The following UBE2K variants were observed in gnomAD, a reference collection of about 807,000 sequenced individuals.
UBE2K encodes the protein ubiquitin-conjugating enzyme E2 K.
In UBE2K, 6 loss-of-function variants were observed where a neutral mutation model predicts 30.0. The ratio of observed to expected loss-of-function variants is 0.20; its 90% CI spans 0.11 to 0.39. The LOEUF (loss-of-function observed/expected upper bound fraction) is 0.39. Among genes scored for constraint, UBE2K ranks in the 10% least tolerant of loss-of-function variants. The pLI, the probability that UBE2K is intolerant of heterozygous loss-of-function variation, is 1.00. For missense variants in UBE2K, 61 were observed against 241.6 expected (o/e 0.25, Z 4.96); for synonymous variants, 86 against 83.7 (o/e 1.03, Z -0.15).
intron 1 of UBE2K, among the ~76,000 whole-genome samples, chr4:39,703,644 C>T (rs765654739): frequency 4.0e-5 from 6 of 151,684 alleles, no homozygotes; most frequent in African/African-American, 9.7e-5. Flanking sequence ...GTCAGGAGAT[C>T]GAGACCATCC....
At chr4:39,770,556 T>G (rs1464858554) in intron 4 of UBE2K, 8 of 1,592,536 alleles carry the variant, frequency 5.0e-6, no homozygotes, top group Non-Finnish European at 5.1e-6. Flanking sequence ...CGCTGCTGCT[T>G]CCACCAGGCC....
rs74701834 is a variant in UBE2K, at chr4:39,737,616, T to C, written c.157+103T>C. On this transcript the variant is annotated intron_variant, in intron 2 of 6. Transcript: ENST00000261427. ...ATCTATAAATTATATGGAGGGTAACTTCATTTGGTTTAGATAAACAGCAAT... is the reference window on the plus strand; with the variant it reads ...ATCTATAAATTATATGGAGGGTAACCTCATTTGGTTTAGATAAACAGCAAT... 3.3e-3 allele frequency: 2,377 copies of C among 722,964 alleles called. 41 individuals carry two copies. In the African/African-American group the frequency reaches 0.04, roughly 12 times the overall value. The allele number at this position is 722,964 out of a possible 1,614,324, so 44.8% of individuals were successfully genotyped here.
chr4:39,766,185 G>GT (rs1315848554), intron 4 of UBE2K, among the ~76,000 whole-genome samples: 4 of 141,898 alleles, frequency 2.8e-5, no homozygotes, highest in Admixed American at 6.7e-5. Context: ...GTGTGTTTTT[G>GT]TTTTTTGTTT....
At chr4:39,774,539 G>A (rs1410360939) in intron 4 of UBE2K, among the ~76,000 whole-genome samples, 1 of 151,884 alleles carries the variant, frequency 6.6e-6, no homozygotes, top group Non-Finnish European at 1.5e-5. Flanking sequence ...CGTGAACCCG[G>A]GAGGCGGAGC....
intron 2 of UBE2K, among the ~76,000 whole-genome samples, chr4:39,738,678 T>G (rs545788262): frequency 6.6e-6 from 1 of 152,178 alleles, no homozygotes; most frequent in East Asian, 1.9e-4. Context: ...TGTTGTTCAT[T>G]TTTTGATTGT....
At chr4:39,748,574 GT>G (rs1290490460) in intron 3 of UBE2K, among the ~76,000 whole-genome samples, 16 of 150,292 alleles carry the variant, frequency 1.1e-4, no homozygotes, top group African/African-American at 3.7e-4. Flanking sequence ...GAGCTCGGGA[GT>G]TTGAGTTCAG....
intron 2 of UBE2K, among the ~76,000 whole-genome samples, chr4:39,740,862 C>CAA (rs57382171): frequency 2.4e-3 from 166 of 69,718 alleles, no homozygotes; most frequent in African/African-American, 5.9e-3. Context: ...GACTCCGTCT[C>CAA]AAAAAAAAAA....
rs372834149 is a variant in UBE2K, at chr4:39,728,827, G to GTTTT, written c.64-8583_64-8580dup. On this transcript the variant is annotated intron_variant, in intron 1 of 6. Transcript: ENST00000261427. The stretch of plus-strand genomic sequence containing the variant: ...CTAGTAGGTTTTTTTTGTTTTTTTT[G>GTTTT]TTTTTTTTTTTTTGTATTTTTAGTA... Among the ~76,000 whole-genome samples, 69 of 128,660 alleles carry GTTTT rather than the reference G, an allele frequency of 5.4e-4. 1 individual carries two copies. Among genetic ancestry groups the GTTTT allele is most frequent in the East Asian group, 1.9e-3 (9 of 4,648 alleles). 84.4% of individuals were successfully genotyped at this position (128,660 alleles called of 152,430 possible). A position where few individuals can be genotyped will look rare whatever the true frequency, so the allele number is the denominator to read the frequency against.
intron 4 of UBE2K, chr4:39,770,747 G>C: frequency 4.4e-6 from 7 of 1,583,266 alleles, no homozygotes; most frequent in Admixed American, 1.8e-5. Context: ...CAATGCCCAG[G>C]CCCCCTCCCA....
intron 1 of UBE2K, among the ~76,000 whole-genome samples, chr4:39,698,825 G>C (rs1717846803): frequency 6.6e-6 from 1 of 152,170 alleles, no homozygotes; most frequent in Admixed American, 6.5e-5. Context: ...CACTTTTGAG[G>C]GTATTCGGGG....
At chr4:39,705,641 A>G (rs948779066) in intron 1 of UBE2K, among the ~76,000 whole-genome samples, 7 of 152,086 alleles carry the variant, frequency 4.6e-5, no homozygotes, top group East Asian at 1.9e-4. Context: ...AGTAAATGCT[A>G]TGGGATTCTA....
intron 4 of UBE2K, among the ~76,000 whole-genome samples, 157 bp from the exon 5 acceptor site, chr4:39,774,677 G>A (rs1447031179): frequency 6.6e-6 from 1 of 152,084 alleles, no homozygotes; most frequent in African/African-American, 2.4e-5. Context: ...ATGATAGGCA[G>A]ATACATAATT....
At chr4:39,710,351 T>C (rs1053788534) in intron 1 of UBE2K, among the ~76,000 whole-genome samples, 1 of 151,950 alleles carries the variant, frequency 6.6e-6, no homozygotes, top group African/African-American at 2.4e-5. Flanking sequence ...ACCTTATAGC[T>C]CACTGTAACC....
At chr4:39,742,038 G>T (rs1451382669) in intron 2 of UBE2K, among the ~76,000 whole-genome samples, 1 of 152,106 alleles carries the variant, frequency 6.6e-6, no homozygotes, top group Non-Finnish European at 1.5e-5. Flanking sequence ...ATAAGGGATA[G>T]AAATAAGATT....
intron 4 of UBE2K, chr4:39,771,461 C>T: frequency 1.3e-6 from 2 of 1,555,662 alleles, no homozygotes; most frequent in Non-Finnish European, 1.7e-6. Context: ...GCAACCCTGG[C>T]CCGGTTCCGC....
intron 5 of UBE2K, 137 bp from the exon 6 acceptor site, chr4:39,777,545 C>G: frequency 1.2e-6 from 1 of 806,156 alleles, no homozygotes; most frequent in Non-Finnish European, 1.8e-6. Flanking sequence ...CATAGGTTGT[C>G]TATAATGCAA....
rs565639277 is a variant in UBE2K, at chr4:39,770,673, G to A, written c.300-4161G>A. The A allele has an allele frequency of 4.9e-5, 78 of 1,579,774 alleles. No homozygotes were observed. The East Asian group carries it at 1.6e-3, about 32-fold the overall frequency. ...GGCCTTCACCACACCCTGCGGTGGG[G>A]CCACAGTGCTGGGGGGCACGCTGCT... On this transcript the variant is annotated intron_variant, in intron 4 of 6. Transcript: ENST00000261427.
chr4:39,701,021 G>A lies in UBE2K; in HGVS notation c.63+2631G>A, dbSNP rs114057987. Reference sequence around the variant, plus strand: ...AAATTGATTGCTTTCTGTGTAGAGAGTTGGGTGTCTGGGGTATAGATATTT... The same window carrying A: ...AAATTGATTGCTTTCTGTGTAGAGAATTGGGTGTCTGGGGTATAGATATTT... On this transcript the variant is annotated intron_variant, in intron 1 of 6. Transcript: ENST00000261427. Among the ~76,000 whole-genome samples, 776 of 152,202 alleles carry A rather than the reference G, an allele frequency of 5.1e-3. 13 individuals are homozygous for A. The highest frequency in any genetic ancestry group is 0.018 in the African/African-American group (744 of 41,534).
chr4:39,779,042 A>ACC lies in UBE2K; in HGVS notation c.*615_*616dup, dbSNP rs3839130. The ACC allele has an allele frequency of 0.018, 2,319 of 128,162 alleles. 30 individuals are homozygous for ACC. The highest frequency in any genetic ancestry group is 0.028 in the South Asian group (111 of 3,992). The allele number at this position is 128,162 out of a possible 1,614,324, so 7.9% of individuals were successfully genotyped here. A position where few individuals can be genotyped will look rare whatever the true frequency, so the allele number is the denominator to read the frequency against. On this transcript the variant is annotated 3_prime_UTR_variant, in exon 7 of 7. Coordinates refer to ENST00000261427, the MANE Select transcript of UBE2K (RefSeq NM_005339.5). ...TGGGACAGTGTCTGATTCCCCCTTCACCCCCCCCACCCCCGCCTTGCCACA... is the reference window on the plus strand; with the variant it reads ...TGGGACAGTGTCTGATTCCCCCTTCACCCCCCCCCCACCCCCGCCTTGCCACA...
Sources: allele counts gnomAD v4.1 joint callset (sites outside exome capture counted in the v4.1 genomes callset), GRCh38; gene constraint gnomAD v4.1.1; transcripts MANE v1.5; gene names NCBI Gene and HGNC (gene_info 2026-07-23, HGNC 2026-07-21).